Variants in SPRED2 observed in about 807,000 individuals in gnomAD.
The protein encoded by SPRED2 is sprouty-related, EVH1 domain-containing protein 2.
SPRED2 carries 47 observed loss-of-function variants against 43.0 expected under a neutral mutation model. The observed-to-expected ratio is 1.09, with a 90% CI of 0.87 to 1.40. SPRED2 has a LOEUF of 1.40. SPRED2 is among the 40% of genes most tolerant of loss of function. SPRED2 has a pLI of 0.00. For missense variants in SPRED2, 561 were observed against 586.4 expected (o/e 0.96, Z 0.45); for synonymous variants, 225 against 225.7 (o/e 1.00, Z 0.03).
intron 2 of SPRED2, among the ~76,000 whole-genome samples, chr2:65,339,354 G>C (rs1414284180): frequency 2.0e-5 from 3 of 151,894 alleles, no homozygotes; most frequent in African/African-American, 7.3e-5. Context: ...AGTAGACATG[G>C]GCGACTTTTC....
At chr2:65,383,292 C>A (rs1437557474) in intron 1 of SPRED2, among the ~76,000 whole-genome samples, 1 of 152,174 alleles carries the variant, frequency 6.6e-6, no homozygotes, top group Non-Finnish European at 1.5e-5. Context: ...CTGTCATGAG[C>A]ACCAAGTTCA....
At chr2:65,325,099 A>C (rs1673570497) in intron 4 of SPRED2, among the ~76,000 whole-genome samples, 1 of 152,212 alleles carries the variant, frequency 6.6e-6, no homozygotes, top group Non-Finnish European at 1.5e-5. Context: ...TACATGGGTG[A>C]GACTATTAGA....
intron 1 of SPRED2, among the ~76,000 whole-genome samples, chr2:65,378,704 T>C (rs1259675383): frequency 6.6e-6 from 1 of 152,230 alleles, no homozygotes; most frequent in Non-Finnish European, 1.5e-5. Flanking sequence ...AGTAAGTAAC[T>C]GCACTCGATT....
At chr2:65,367,052 A>G (rs1369280022) in intron 1 of SPRED2, among the ~76,000 whole-genome samples, 4 of 152,162 alleles carry the variant, frequency 2.6e-5, no homozygotes, top group Non-Finnish European at 5.9e-5. Flanking sequence ...GCCCCAAACC[A>G]AAGAATTTCG....
At chr2:65,366,637 G>T in intron 1 of SPRED2, 1 of 1,552,086 alleles carries the variant, frequency 6.4e-7, no homozygotes, top group African/African-American at 1.4e-5. Context: ...CGAGTGCTGG[G>T]TATTAGCATT....
chr2:65,350,314 T>C (rs1674472178), intron 1 of SPRED2, among the ~76,000 whole-genome samples: 1 of 152,210 alleles, frequency 6.6e-6, no homozygotes. Flanking sequence ...CAAAACATGC[T>C]ATCTTTGTCA....
chr2:65,339,086 G>C (rs1339686101), intron 2 of SPRED2, among the ~76,000 whole-genome samples: 25 of 104,274 alleles, frequency 2.4e-4, no homozygotes, highest in African/African-American at 8.8e-4. Context: ...CGCTCCGTCC[G>C]GGAGGGAGGT....
At chr2:65,310,817 G>A (rs1325186423), downstream of SPRED2, 7 of 953,108 alleles carry the variant, frequency 7.3e-6, no homozygotes, top group Admixed American at 6.2e-5. Context: ...GCATCACCTC[G>A]TCTCCTGCCA....
chr2:65,414,953 G>A (rs1360048212), intron 1 of SPRED2, among the ~76,000 whole-genome samples: 3 of 152,012 alleles, frequency 2.0e-5, no homozygotes, highest in Non-Finnish European at 2.9e-5. Flanking sequence ...ACTCTATCCC[G>A]TTTAAAAAAA....
intron 1 of SPRED2, among the ~76,000 whole-genome samples, chr2:65,365,079 T>A (rs2104326255): frequency 6.6e-6 from 1 of 152,364 alleles, no homozygotes; most frequent in African/African-American, 2.4e-5. Context: ...CACCAAGTGC[T>A]ATTATTAAAT....
intron 1 of SPRED2, among the ~76,000 whole-genome samples, chr2:65,356,557 TTGTG>T (rs72469383): frequency 6.3e-4 from 77 of 122,628 alleles, no homozygotes; most frequent in Non-Finnish European, 8.3e-4. Context: ...TTTTTTTTTT[TTGTG>T]TGTGTGTACC....
At chr2:65,379,675 C>T (rs1675326551) in intron 1 of SPRED2, among the ~76,000 whole-genome samples, 1 of 152,128 alleles carries the variant, frequency 6.6e-6, no homozygotes, top group Admixed American at 6.5e-5. Context: ...GCTCATGAAA[C>T]CTTAGTTACT....
intron 1 of SPRED2, among the ~76,000 whole-genome samples, chr2:65,375,962 TTTGC>T (rs2103624795): frequency 6.6e-6 from 1 of 152,286 alleles, no homozygotes; most frequent in East Asian, 1.9e-4. Flanking sequence ...TCAGAGAGAT[TTTGC>T]TACCACTCAG....
At chr2:65,374,691 A>C (rs997914264) in intron 1 of SPRED2, among the ~76,000 whole-genome samples, 2 of 152,234 alleles carry the variant, frequency 1.3e-5, no homozygotes, top group East Asian at 3.9e-4. Flanking sequence ...GCTCTGCCAC[A>C]AACATTTCAG....
chr2:65,369,959 C>CA (rs1448462361), intron 1 of SPRED2, among the ~76,000 whole-genome samples: 4 of 152,210 alleles, frequency 2.6e-5, no homozygotes, highest in African/African-American at 9.7e-5. Context: ...AGGTAAGAAG[C>CA]AAAACTAGCT....
At chr2:65,377,695 G>A in intron 1 of SPRED2, 1 of 471,242 alleles carries the variant, frequency 2.1e-6, no homozygotes, top group Non-Finnish European at 4.4e-6. Context: ...TGCACACCAA[G>A]GAAAGGAAGG....
intron 3 of SPRED2, 91 bp from the exon 4 acceptor site, chr2:65,332,142 T>G (rs994562782): frequency 2.6e-6 from 2 of 763,796 alleles, no homozygotes; most frequent in Non-Finnish European, 4.1e-6. Flanking sequence ...AAAACCACAT[T>G]CCATTCTTTT....
rs568246810 is a variant in SPRED2, at chr2:65,432,244, C to T, written c.-257G>A. On this transcript the variant is annotated 5_prime_UTR_variant, in exon 1 of 6. Transcript: ENST00000356388. ...GAGAGGCGGGCGGAGGCTCCGGGGG[C>T]TCGGGAGCGGGCAGAGGGGGCGAGA... The T allele has an allele frequency of 1.9e-5, 10 of 513,378 alleles. No homozygotes were observed. The highest frequency in any genetic ancestry group is 2.4e-5 in the South Asian group (1 of 42,026). The allele number at this position is 513,378 out of a possible 1,614,324, so 31.8% of individuals were successfully genotyped here. A position where few individuals can be genotyped will look rare whatever the true frequency, so the allele number is the denominator to read the frequency against.
chr2:65,316,977 T>G, intron 4 of SPRED2, 94 bp from the exon 5 acceptor site: 219 of 1,211,584 alleles, frequency 1.8e-4, no homozygotes, highest in Non-Finnish European at 2.1e-4. Context: ...ATACTAGCTA[T>G]TCCCTGGTTG....
Sources: gnomAD v4.1 joint callset for allele counts (sites outside exome capture counted in the v4.1 genomes callset) on GRCh38, gnomAD v4.1.1 for gene constraint, MANE v1.5 for transcripts, NCBI Gene and HGNC (gene_info 2026-07-23, HGNC 2026-07-21) for gene names.